AJAP1: variants seen among roughly 807,000 people sequenced by gnomAD.
AJAP1 encodes the protein adherens junction-associated protein 1.
In AJAP1, 5 loss-of-function variants were observed where a neutral mutation model predicts 35.0. That is an observed-to-expected ratio of 0.14 (90% CI 0.07 to 0.30). AJAP1 has a LOEUF of 0.30. AJAP1 is among the 10% of genes least tolerant of loss of function. The pLI is 1.00. For missense variants in AJAP1, 586 were observed against 571.0 expected (o/e 1.03, Z -0.27); for synonymous variants, 284 against 249.3 (o/e 1.14, Z -1.31).
intron 2 of AJAP1, among the ~76,000 whole-genome samples, chr1:4,759,397 G>A (rs1323665806): frequency 6.6e-6 from 1 of 152,204 alleles, no homozygotes; most frequent in Non-Finnish European, 1.5e-5. Flanking sequence ...AAATATTGGA[G>A]GAATCTGGCC....
intron 2 of AJAP1, among the ~76,000 whole-genome samples, chr1:4,748,390 G>A (rs1641241414): frequency 6.6e-6 from 1 of 152,162 alleles, no homozygotes; most frequent in African/African-American, 2.4e-5. Context: ...CCTGCAAGGG[G>A]GAGGCACTGC....
intron 2 of AJAP1, among the ~76,000 whole-genome samples, chr1:4,759,494 G>A (rs1641515365): frequency 6.6e-6 from 1 of 152,204 alleles, no homozygotes; most frequent in African/African-American, 2.4e-5. Flanking sequence ...GGTGTGCCCA[G>A]CCCCGTGTCT....
At chr1:4,703,230 A>G (rs1640028446) in intron 1 of AJAP1, among the ~76,000 whole-genome samples, 2 of 152,204 alleles carry the variant, frequency 1.3e-5, no homozygotes, top group South Asian at 2.1e-4. Flanking sequence ...ATGTGTTTTC[A>G]TTAGAGAAAT....
At chr1:4,732,024 C>G (rs1640808683) in intron 2 of AJAP1, among the ~76,000 whole-genome samples, 1 of 152,254 alleles carries the variant, frequency 6.6e-6, no homozygotes, top group African/African-American at 2.4e-5. Flanking sequence ...GAGCCTGTGC[C>G]CCACATGCAG....
intron 2 of AJAP1, among the ~76,000 whole-genome samples, chr1:4,751,161 T>C (rs1641312464): frequency 6.6e-6 from 1 of 151,938 alleles, no homozygotes; most frequent in Admixed American, 6.6e-5. Context: ...AGACCACCCA[T>C]TTCTCCCCCT....
chr1:4,710,165 C>G (rs1237014363), intron 1 of AJAP1, among the ~76,000 whole-genome samples: 1 of 106,312 alleles, frequency 9.4e-6, no homozygotes, highest in Non-Finnish European at 2.0e-5. Context: ...GATACTCTCA[C>G]ACAGACACAC....
At chr1:4,731,059 G>T (rs1353824241) in intron 2 of AJAP1, among the ~76,000 whole-genome samples, 4 of 152,030 alleles carry the variant, frequency 2.6e-5, no homozygotes, top group Admixed American at 6.6e-5. Flanking sequence ...TTTATTTTAG[G>T]TTTTAGGTTT....
chr1:4,731,568 C>T (rs1250505487), intron 2 of AJAP1, among the ~76,000 whole-genome samples: 1 of 152,146 alleles, frequency 6.6e-6, no homozygotes, highest in African/African-American at 2.4e-5. Context: ...GCTTCCTCAG[C>T]CTGCAGGAGT....
chr1:4,764,027 G>A (rs1030490418), intron 2 of AJAP1, among the ~76,000 whole-genome samples: 13 of 151,356 alleles, frequency 8.6e-5, no homozygotes, highest in Admixed American at 3.9e-4. Flanking sequence ...GATGGAGCTG[G>A]GACATCCATC....
At chr1:4,674,323 G>C (rs887922966) in intron 1 of AJAP1, among the ~76,000 whole-genome samples, 2 of 152,146 alleles carry the variant, frequency 1.3e-5, no homozygotes, top group Non-Finnish European at 2.9e-5. Flanking sequence ...CACAGCCCAC[G>C]GCTGCCTGAC....
chr1:4,695,461 C>A (rs1639837869), intron 1 of AJAP1, among the ~76,000 whole-genome samples: 1 of 152,166 alleles, frequency 6.6e-6, no homozygotes, highest in Non-Finnish European at 1.5e-5. Context: ...GTGTTCCCTG[C>A]AAACACAGTA....
chr1:4,691,200 A>G (rs1639731193), intron 1 of AJAP1, among the ~76,000 whole-genome samples: 1 of 152,176 alleles, frequency 6.6e-6, no homozygotes, highest in Non-Finnish European at 1.5e-5. Context: ...AACAGACTCC[A>G]TTCCTGTTTG....
At chr1:4,665,066 G>GC (rs1375390580) in intron 1 of AJAP1, among the ~76,000 whole-genome samples, 2 of 151,912 alleles carry the variant, frequency 1.3e-5, no homozygotes, top group African/African-American at 4.8e-5. Flanking sequence ...TGCGGAAAAA[G>GC]CCCCACGAGA....
chr1:4,757,502 A>G (rs1432287766), intron 2 of AJAP1, among the ~76,000 whole-genome samples: 1 of 152,212 alleles, frequency 6.6e-6, no homozygotes. Flanking sequence ...GGCCCAGCCC[A>G]CAGACAACTG....
chr1:4,747,756 G>A (rs1407117778), intron 2 of AJAP1, among the ~76,000 whole-genome samples: 3 of 152,090 alleles, frequency 2.0e-5, no homozygotes, highest in African/African-American at 4.8e-5. Flanking sequence ...GGGAGGCTGG[G>A]GCAGGCAGAT....
At chr1:4,670,594 T>C (rs1411092741) in intron 1 of AJAP1, among the ~76,000 whole-genome samples, 1 of 152,224 alleles carries the variant, frequency 6.6e-6, no homozygotes, top group African/African-American at 2.4e-5. Flanking sequence ...CTTGCTGGCA[T>C]GGAAGCATGC....
chr1:4,685,101 G>C (rs1483123275), intron 1 of AJAP1, among the ~76,000 whole-genome samples: 1 of 152,266 alleles, frequency 6.6e-6, no homozygotes, highest in African/African-American at 2.4e-5. Flanking sequence ...CCTCTGATCT[G>C]TCCAGCGTCC....
rs565894546 is a variant in AJAP1 at position 4,766,497 on chromosome 1, A to G, written c.830-3356A>G. ...AATGAAGAACCCTTATGAATTTTCC[A>G]TATTTCAGCCTGCTTCCTAGAAATA... On this transcript the variant is annotated intron_variant, in intron 2 of 5. Transcript: ENST00000378191. Among the ~76,000 whole-genome samples the G allele has an allele frequency of 3.9e-5, 6 of 152,330 alleles. No individual in the cohort carries two copies. In the East Asian group the frequency reaches 1.2e-3, roughly 29 times the overall value.
intron 2 of AJAP1, among the ~76,000 whole-genome samples, chr1:4,721,300 C>T (rs1640510947): frequency 6.6e-6 from 1 of 152,178 alleles, no homozygotes; most frequent in African/African-American, 2.4e-5. Context: ...ACCCTCCCAC[C>T]ACATACCTCT....
Sources: gnomAD v4.1 joint callset for allele counts (sites outside exome capture counted in the v4.1 genomes callset) on GRCh38, gnomAD v4.1.1 for gene constraint, MANE v1.5 for transcripts, NCBI Gene and HGNC (gene_info 2026-07-23, HGNC 2026-07-21) for gene names.